Variants in TPTE2 observed in about 807,000 individuals in gnomAD.
TPTE2 encodes the protein transmembrane phosphoinositide 3-phosphatase and tensin homolog 2, also known as phosphatidylinositol 3,4,5-trisphosphate 3-phosphatase TPTE2.
A neutral mutation model predicts 78.6 loss-of-function variants in TPTE2; 53 were observed. That is an observed-to-expected ratio of 0.67 (90% CI 0.54 to 0.85). TPTE2 has a LOEUF of 0.85. TPTE2 is among the 40% of genes least tolerant of loss of function. The probability of loss-of-function intolerance (pLI) is 0.00; values close to 1 mark genes in which losing one functional copy is unlikely to be tolerated. For synonymous variants in TPTE2, 175 were observed against 206.2 expected (o/e 0.85, Z 1.30); for missense variants, 461 against 623.0 (o/e 0.74, Z 2.77).
chr13:19,436,417 G>A (rs1217974666), intron 14 of TPTE2, 111 bp from the exon 18 acceptor site: 3 of 1,054,858 alleles, frequency 2.8e-6, no homozygotes, highest in Non-Finnish European at 4.1e-6. Context: ...CAGTGATTTT[G>A]TTTGTTTGTT....
At chr13:19,451,016 G>A (rs1398422861) in intron 11 of TPTE2, 149 bp downstream of exon 14, 1 of 935,988 alleles carries the variant, frequency 1.1e-6, no homozygotes. Context: ...CTACTAAATG[G>A]GGCCAGTCCA....
chr13:19,527,370 C>A (rs549326900), intron 1 of TPTE2, among the ~76,000 whole-genome samples: 2 of 152,244 alleles, frequency 1.3e-5, no homozygotes, highest in East Asian at 1.9e-4. Context: ...ACCTTTAATA[C>A]CCTGATTGGT....
upstream of TPTE2, chr13:19,505,994 A>G (rs867567020): frequency 2.0e-5 from 3 of 151,458 alleles, no homozygotes; most frequent in Admixed American, 6.6e-5. Flanking sequence ...AGATTTAGAC[A>G]TAGTGTCAAA....
the TPTE2 span, among the ~76,000 whole-genome samples, chr13:19,555,632 T>C: frequency 6.6e-6 from 1 of 152,092 alleles, no homozygotes; most frequent in African/African-American, 2.4e-5. Flanking sequence ...AATCATTTGA[T>C]ACTGTTTGAT....
the TPTE2 span, among the ~76,000 whole-genome samples, chr13:19,550,622 T>TATC: frequency 6.6e-6 from 1 of 152,094 alleles, no homozygotes; most frequent in Admixed American, 6.6e-5. Context: ...TAATGAGTAC[T>TATC]ATTATTATTA....
exon 6 of TPTE2, chr13:19,474,054 G>C: frequency 1.3e-6 from 2 of 1,586,186 alleles, no homozygotes; most frequent in Non-Finnish European, 1.7e-6. Flanking sequence ...CATCCAGTAA[G>C]ACCAGGAAAA....
intron 4 of TPTE2, among the ~76,000 whole-genome samples, chr13:19,476,926 GCA>G (rs564035333): frequency 1.5e-3 from 234 of 152,212 alleles, no homozygotes; most frequent in Admixed American, 4.3e-3. Context: ...GTTCACTGCA[GCA>G]CTATTTACAA....
At chr13:19,511,858 T>TA (rs1566072271) in intron 1 of TPTE2, among the ~76,000 whole-genome samples, 15 of 147,646 alleles carry the variant, frequency 1.0e-4, no homozygotes, top group South Asian at 2.1e-4. Flanking sequence ...ACCACTTTTT[T>TA]TAAAAAAAAA....
intron 1 of TPTE2, among the ~76,000 whole-genome samples, chr13:19,496,118 G>A (rs1881296002): frequency 6.6e-6 from 1 of 152,084 alleles, no homozygotes; most frequent in African/African-American, 2.4e-5. Context: ...CACCCACCCT[G>A]GCCTCCCAAA....
intron 2 of TPTE2, 147 bp downstream of exon 5, chr13:19,493,301 C>T (rs1187928471): frequency 1.5e-5 from 11 of 725,016 alleles, no homozygotes; most frequent in South Asian, 5.2e-5. Flanking sequence ...TTTGTGTACG[C>T]GTGTTGAAGA....
chr13:19,444,416 C>T (rs1157002524), intron 13 of TPTE2, among the ~76,000 whole-genome samples: 1 of 115,786 alleles, frequency 8.6e-6, no homozygotes, highest in East Asian at 3.1e-4. Flanking sequence ...GCATTTAAAA[C>T]AACAAAAAAC....
At chr13:19,531,761 T>C (rs1870889173) in intron 1 of TPTE2, among the ~76,000 whole-genome samples, 1 of 151,956 alleles carries the variant, frequency 6.6e-6, no homozygotes, top group Non-Finnish European at 1.5e-5. Flanking sequence ...ACCCCATCTC[T>C]ACTAAAAATA....
the TPTE2 span, chr13:19,560,532 C>T: frequency 3.8e-6 from 6 of 1,585,926 alleles, no homozygotes; most frequent in South Asian, 3.3e-5. Flanking sequence ...ACAGCGACAG[C>T]GATGAGAAGC....
At chr13:19,426,514 A>G (rs558407792) in exon 18 of TPTE2, 155 of 1,534,354 alleles carry the variant, frequency 1.0e-4, no homozygotes, top group Middle Eastern at 3.4e-4. Context: ...ATGTCATGCA[A>G]TATCTATGAA....
intron 13 of TPTE2, among the ~76,000 whole-genome samples, chr13:19,442,865 A>G (rs1008371667): frequency 3.3e-5 from 5 of 152,172 alleles, no homozygotes; most frequent in African/African-American, 1.2e-4. Flanking sequence ...ATAAAATTAT[A>G]AAAACATTCT....
chr13:19,558,581 T>C, the TPTE2 span, among the ~76,000 whole-genome samples: 2 of 152,252 alleles, frequency 1.3e-5, no homozygotes, highest in Non-Finnish European at 2.9e-5. Context: ...AGGTTTCTCC[T>C]GTGGAATGTT....
chr13:19,485,171 T>C (rs2137619939), intron 3 of TPTE2, among the ~76,000 whole-genome samples: 1 of 152,312 alleles, frequency 6.6e-6, no homozygotes, highest in African/African-American at 2.4e-5. Flanking sequence ...TGCATGTTTT[T>C]ATGATGGTGG....
At chr13:19,436,621 G>T (rs938034483) in intron 14 of TPTE2, among the ~76,000 whole-genome samples, 1 of 152,040 alleles carries the variant, frequency 6.6e-6, no homozygotes, top group Non-Finnish European at 1.5e-5. Context: ...CACCATGTTG[G>T]CCAGGCTGCT....
chr13:19,506,900 A>T (rs1325765915), upstream of TPTE2, among the ~76,000 whole-genome samples: 3 of 152,200 alleles, frequency 2.0e-5, no homozygotes, highest in Admixed American at 2.0e-4. Flanking sequence ...CAGTTTTCTA[A>T]AAGTTTTGGC....
Sources: gnomAD v4.1 joint callset for allele counts (sites outside exome capture counted in the v4.1 genomes callset) on GRCh38, gnomAD v4.1.1 for gene constraint, MANE v1.5 for transcripts, NCBI Gene and HGNC (gene_info 2026-07-23, HGNC 2026-07-21) for gene names.